Variants in TBC1D32 observed in about 807,000 individuals in gnomAD.
The protein encoded by TBC1D32 is protein broad-minded.
Under a neutral mutation model 170.3 loss-of-function variants are expected in TBC1D32, and 151 were observed. The ratio of observed to expected loss-of-function variants is 0.89; its 90% confidence interval spans 0.78 to 1.01. The LOEUF (loss-of-function observed/expected upper bound fraction) is 1.01, where lower values mean the gene tolerates loss of function less well. Ranked by LOEUF, TBC1D32 falls within the 50% of genes least tolerant of loss-of-function variation. TBC1D32 has a pLI of 0.00. For missense variants in TBC1D32, 1,464 were observed against 1,457.1 expected, an observed-to-expected ratio of 1.00 and a Z score of -0.08; for synonymous variants, 498 against 488.0, an observed-to-expected ratio of 1.02 and a Z score of -0.27.
chr6:121,124,815 T>C (rs1780658923), intron 26 of TBC1D32, among the ~76,000 whole-genome samples: 1 of 152,132 alleles, frequency 6.6e-6, no homozygotes, highest in Non-Finnish European at 1.5e-5. Context: ...TGATGCTCTT[T>C]ATTACATTTT....
At position 121,205,166 on chromosome 6, in the gene TBC1D32, GA is replaced by G; in HGVS notation, c.2482-4del. On this transcript the variant is annotated splice_region_variant and splice_polypyrimidine_tract_variant and intron_variant, in intron 21 of 31. Transcript: ENST00000398212. ...ATTATAAGTCTATCAATAATATCCT[GA>G]AAAAGACAGACAAAATGAGACTGTA... 1.5e-6 allele frequency: 2 copies of G among 1,348,710 alleles called. No individual in the cohort carries two copies. Among genetic ancestry groups the G allele is most frequent in the Non-Finnish European group, 2.0e-6 (2 of 985,948 alleles). 83.5% of individuals were successfully genotyped at this position (1,348,710 alleles called of 1,614,324 possible).
intron 10 of TBC1D32, 106 bp from the exon 11 acceptor site, chr6:121,294,766 A>G: frequency 1.1e-6 from 1 of 888,492 alleles, no homozygotes; most frequent in Non-Finnish European, 1.9e-6. Flanking sequence ...AATATTTGAG[A>G]AAAATATTTA....
chr6:121,321,881 G>T, intron 1 of TBC1D32, 87 bp from the exon 2 acceptor site: 1 of 1,170,300 alleles, frequency 8.5e-7, no homozygotes, highest in Non-Finnish European at 1.2e-6. Flanking sequence ...AACATATTAA[G>T]ATTTCTTACC....
Position 121,082,807 on chromosome 6 carries a change from T to C in TBC1D32, c.3655-1917A>G, listed in dbSNP as rs560313393. 1.3e-3 allele frequency among the ~76,000 whole-genome samples: 194 copies of C among 152,074 alleles called. 1 individual carries two copies. The highest frequency in any genetic ancestry group is 2.1e-3 in the Non-Finnish European group (142 of 67,876). ...TCATGGTTTCCATTTTAAACATTAA[T>C]TGTAAATGCCCTGATAACTACACCA... is the stretch of plus-strand genomic sequence containing the variant. On this transcript the variant is annotated intron_variant, in intron 31 of 31. Transcript: ENST00000398212.
In TBC1D32 at chr6:121,325,610, T is replaced by C. The variant is rs749362155; in HGVS notation, c.156-3816A>G. 2.6e-5 allele frequency among the ~76,000 whole-genome samples: 4 copies of C among 152,284 alleles called. No homozygotes were observed. The South Asian group carries it at 6.2e-4, about 24-fold the overall frequency. Reference sequence around the variant, plus strand: ...AACTGGATCCCTTCCTTACGCCTTATACAAAAATTAACTCAAGATGAATTG... The same window carrying C: ...AACTGGATCCCTTCCTTACGCCTTACACAAAAATTAACTCAAGATGAATTG... On this transcript the variant is annotated intron_variant, in intron 1 of 31. Coordinates refer to ENST00000398212, the MANE Select transcript of TBC1D32 (RefSeq NM_152730.6).
At chr6:121,115,071 T>C (rs1179516499) in intron 27 of TBC1D32, 101 bp downstream of exon 27, 11 of 835,876 alleles carry the variant, frequency 1.3e-5, no homozygotes, top group Non-Finnish European at 1.8e-5. Flanking sequence ...ATTTAAAGTA[T>C]ACAAAATAGT....
chr6:121,275,424 G>A (rs1408272669), intron 15 of TBC1D32, among the ~76,000 whole-genome samples: 1 of 152,132 alleles, frequency 6.6e-6, no homozygotes, highest in African/African-American at 2.4e-5. Flanking sequence ...AAATGATATG[G>A]AAAGGAACAT....
At chr6:121,241,728 C>T (rs1438894543) in intron 18 of TBC1D32, among the ~76,000 whole-genome samples, 176 bp from the exon 19 acceptor site, 1 of 152,084 alleles carries the variant, frequency 6.6e-6, no homozygotes, top group Non-Finnish European at 1.5e-5. Context: ...AGAAAAAAAG[C>T]TGATTACAAC....
chr6:121,313,252 T>C (rs1808493182), intron 3 of TBC1D32, among the ~76,000 whole-genome samples: 1 of 150,564 alleles, frequency 6.6e-6, no homozygotes, highest in Admixed American at 6.6e-5. Flanking sequence ...ATTACAGGGA[T>C]GAACTACCAT....
chr6:121,116,403 T>C (rs1369121263), intron 26 of TBC1D32, among the ~76,000 whole-genome samples: 1 of 152,148 alleles, frequency 6.6e-6, no homozygotes, highest in African/African-American at 2.4e-5. Flanking sequence ...TTTAAAGCCC[T>C]ATATGAAATA....
intron 15 of TBC1D32, among the ~76,000 whole-genome samples, chr6:121,274,341 C>T (rs541132157): frequency 6.1e-5 from 9 of 148,320 alleles, no homozygotes; most frequent in Non-Finnish European, 1.2e-4. Context: ...GTCTCAAAAA[C>T]AAACAAACAA....
At chr6:121,195,294 T>C (rs757129949) in intron 22 of TBC1D32, among the ~76,000 whole-genome samples, 1 of 152,316 alleles carries the variant, frequency 6.6e-6, no homozygotes, top group East Asian at 1.9e-4. Context: ...ATAGGGATGC[T>C]GTTTGGAGCC....
intron 1 of TBC1D32, among the ~76,000 whole-genome samples, chr6:121,326,924 G>T (rs1810526406): frequency 6.6e-6 from 1 of 152,092 alleles, no homozygotes; most frequent in Admixed American, 6.5e-5. Context: ...TTCTTCAAGT[G>T]GGCCTTCTAC....
At chr6:121,147,990 G>C (rs1582966760) in intron 24 of TBC1D32, among the ~76,000 whole-genome samples, 1 of 146,286 alleles carries the variant, frequency 6.8e-6, no homozygotes, top group African/African-American at 2.5e-5. Flanking sequence ...TTGTTTGTTG[G>C]TTGGTTTTAT....
At chr6:121,223,068 G>A (rs893107285) in intron 21 of TBC1D32, among the ~76,000 whole-genome samples, 168 bp downstream of exon 21, 1 of 152,098 alleles carries the variant, frequency 6.6e-6, no homozygotes, top group Non-Finnish European at 1.5e-5. Context: ...AAGATTCCAC[G>A]CATAGAAAAT....
intron 17 of TBC1D32, among the ~76,000 whole-genome samples, chr6:121,254,815 C>T (rs1431176504): frequency 6.6e-6 from 1 of 151,972 alleles, no homozygotes; most frequent in East Asian, 1.9e-4. Context: ...TCTATTTTCC[C>T]CATTAATCTG....
chr6:121,112,480 CT>C, intron 29 of TBC1D32, 24 bp downstream of exon 29: 2 of 1,571,688 alleles, frequency 1.3e-6, no homozygotes, highest in Non-Finnish European at 1.7e-6. Context: ...TCAAACCCTC[CT>C]TTAAAAACAG....
chr6:121,101,965 T>A (rs528290612), intron 30 of TBC1D32, among the ~76,000 whole-genome samples: 16 of 152,078 alleles, frequency 1.1e-4, no homozygotes, highest in Non-Finnish European at 2.1e-4. Context: ...GAGAGCCAAA[T>A]CCTGAGTGAA....
At chr6:121,089,226 A>G (rs1003702672) in intron 31 of TBC1D32, among the ~76,000 whole-genome samples, 1 of 152,202 alleles carries the variant, frequency 6.6e-6, no homozygotes, top group East Asian at 1.9e-4. Flanking sequence ...TGTTGAAAAT[A>G]CATCAGTAAA....
Sources: gnomAD v4.1 joint callset for allele counts (sites outside exome capture counted in the v4.1 genomes callset) on GRCh38, gnomAD v4.1.1 for gene constraint, MANE v1.5 for transcripts, NCBI Gene and HGNC (gene_info 2026-07-23, HGNC 2026-07-21) for gene names.